The following TRIM58 variants were observed in gnomAD, a reference collection of about 807,000 sequenced individuals.
TRIM58 encodes E3 ubiquitin-protein ligase TRIM58.
A neutral mutation model predicts 34.1 loss-of-function variants in TRIM58; 38 were observed. The ratio of observed to expected loss-of-function variants is 1.12; its 90% CI spans 0.86 to 1.46. The LOEUF (loss-of-function observed/expected upper bound fraction) is 1.46, where lower values mean the gene tolerates loss of function less well. TRIM58 is among the 40% of genes most tolerant of loss of function. TRIM58 has a pLI of 0.00. For synonymous variants in TRIM58, 273 were observed against 275.7 expected (o/e 0.99, Z 0.10); for missense variants, 677 against 642.0 (o/e 1.05, Z -0.59).
Position 247,878,265 on chromosome 1 carries a change from A to T in TRIM58, c.*1776A>T, listed in dbSNP as rs1429248775. 3 of 152,190 alleles carry T rather than the reference A, an allele frequency of 2.0e-5. No individual in the cohort carries two copies. Among genetic ancestry groups the T allele is most frequent in the African/African-American group, 4.8e-5 (2 of 41,454 alleles). 9.4% of individuals were successfully genotyped at this position (152,190 alleles called of 1,614,324 possible). On this transcript the variant is annotated 3_prime_UTR_variant, in exon 6 of 6. Coordinates refer to ENST00000366481, the MANE Select transcript of TRIM58 (RefSeq NM_015431.4). ...AATGCTTCAATGCTAACCAAATATT[A>T]ATTAATGGCAAATTATTTAACATTA...
intron 2 of TRIM58, among the ~76,000 whole-genome samples, chr1:247,862,095 T>C (rs1199805631): frequency 6.6e-6 from 1 of 152,066 alleles, no homozygotes; most frequent in Non-Finnish European, 1.5e-5. Flanking sequence ...GCCATTGCAC[T>C]CCAGCCTGGG....
chr1:247,865,900 T>G (rs995358230), intron 3 of TRIM58, among the ~76,000 whole-genome samples: 1 of 152,188 alleles, frequency 6.6e-6, no homozygotes, highest in East Asian at 1.9e-4. Flanking sequence ...CTGACTCAGT[T>G]CTAGGCACTG....
In TRIM58 at chr1:247,858,931, T is replaced by A. The variant is rs577464478; in HGVS notation, c.420+1265T>A. ...ACAGGTATGCGTCACCACACCCGGC[T>A]AATTTTTGTATTTTTAGTAGAGACG... is the stretch of plus-strand genomic sequence containing the variant. On this transcript the variant is annotated intron_variant, in intron 1 of 5. Coordinates refer to ENST00000366481, the MANE Select transcript of TRIM58 (RefSeq NM_015431.4). Among the ~76,000 whole-genome samples, 15 of 151,916 alleles carry A rather than the reference T, an allele frequency of 9.9e-5. No individual in the cohort carries two copies. The South Asian group carries it at 2.7e-3, about 27-fold the overall frequency.
In TRIM58 at chr1:247,868,393, G is replaced by T. The variant is rs190033941; in HGVS notation, c.871+330G>T. The stretch of plus-strand genomic sequence containing the variant: ...AAAAGGGCAGGGTTATTGAAGAGAT[G>T]GGGGAAGAAGTTCTCTTCCAGAGTC... On this transcript the variant is annotated intron_variant, in intron 5 of 5. Transcript: ENST00000366481. 3.3e-5 allele frequency among the ~76,000 whole-genome samples: 5 copies of T among 152,252 alleles called. No individual in the cohort carries two copies. In the East Asian group the frequency reaches 9.6e-4, roughly 29 times the overall value.
At chr1:247,869,827 C>G (rs943322939) in intron 5 of TRIM58, among the ~76,000 whole-genome samples, 2 of 152,184 alleles carry the variant, frequency 1.3e-5, no homozygotes, top group Admixed American at 1.3e-4. Context: ...TAGAAAAAGT[C>G]TAACATTCAT....
rs546654630 is a variant in TRIM58 at position 247,872,942 on chromosome 1, A to C, written c.872-2958A>C. Reference sequence around the variant, plus strand: ...GATACAGAAAAATCATTGAAGATGAACTCTGGGCCGGGCGCGGTGGCTCAC... The same window carrying C: ...GATACAGAAAAATCATTGAAGATGACCTCTGGGCCGGGCGCGGTGGCTCAC... On this transcript the variant is annotated intron_variant, in intron 5 of 5. Coordinates refer to ENST00000366481, the MANE Select transcript of TRIM58 (RefSeq NM_015431.4). Among the ~76,000 whole-genome samples, 5 of 152,282 alleles carry C rather than the reference A, an allele frequency of 3.3e-5. No homozygotes were observed. The East Asian group carries it at 9.6e-4, about 29-fold the overall frequency.
rs1013552264 is a variant in TRIM58 at position 247,875,772 on chromosome 1, T to G, written c.872-128T>G. The G allele has an allele frequency of 1.7e-5, 12 of 702,500 alleles. No homozygotes were observed. In the South Asian group the frequency reaches 2.4e-4, roughly 14 times the overall value. 43.5% of individuals were successfully genotyped at this position (702,500 alleles called of 1,614,324 possible). A position where few individuals can be genotyped will look rare whatever the true frequency, so the allele number is the denominator to read the frequency against. On this transcript the variant is annotated intron_variant, in intron 5 of 5. Coordinates refer to ENST00000366481, the MANE Select transcript of TRIM58 (RefSeq NM_015431.4). ...TTTCACCTGTAAGGTGAAATACTGATTTGTTTTCTCTAGGAGTTAATAGAG... is the reference window on the plus strand; with the variant it reads ...TTTCACCTGTAAGGTGAAATACTGAGTTGTTTTCTCTAGGAGTTAATAGAG...
Position 247,879,121 on chromosome 1 carries a change from C to G in TRIM58, c.*2632C>G, listed in dbSNP as rs75119406. On this transcript the variant is annotated 3_prime_UTR_variant, in exon 6 of 6. Transcript: ENST00000366481. ...TGAACTCAATTTGCCTAAAACTTAC[C>G]CACAAATTTCTCCCCAAGTCTCTCC... Among the ~76,000 whole-genome samples the G allele has an allele frequency of 6.0e-4, 91 of 152,192 alleles. No individual in the cohort carries two copies. The highest frequency in any genetic ancestry group is 9.1e-4 in the Non-Finnish European group (62 of 68,004).
chr1:247,862,441 A>G (rs1347996384), intron 2 of TRIM58, among the ~76,000 whole-genome samples: 2 of 152,202 alleles, frequency 1.3e-5, no homozygotes, highest in African/African-American at 2.4e-5. Context: ...GGGTAGTGGC[A>G]ATGGAGATAA....
At chr1:247,872,690 A>G (rs1659167975) in intron 5 of TRIM58, among the ~76,000 whole-genome samples, 2 of 152,214 alleles carry the variant, frequency 1.3e-5, no homozygotes, top group Admixed American at 6.5e-5. Flanking sequence ...ATGGAATTTT[A>G]TCAAAGCAAT....
chr1:247,864,973 C>A, intron 3 of TRIM58, 38 bp downstream of exon 3: 2 of 1,519,048 alleles, frequency 1.3e-6, no homozygotes, highest in Non-Finnish European at 1.8e-6. Flanking sequence ...AGATGTGAGA[C>A]TCAGGTGACA....
rs1297312562 is a variant in TRIM58, at chr1:247,857,624, G to A, written c.378G>A (p.Thr126=). 1.6e-6 allele frequency: 2 copies of A among 1,245,536 alleles called. No individual in the cohort carries two copies. The highest frequency in any genetic ancestry group is 1.0e-6 in the Non-Finnish European group (1 of 996,148). 77.2% of individuals were successfully genotyped at this position (1,245,536 alleles called of 1,614,324 possible). A position where few individuals can be genotyped will look rare whatever the true frequency, so the allele number is the denominator to read the frequency against. ...GCGACGCCGGCCCCGAGCACAGGACGCACCGCACGGCGCCGCTGCAGGAGG... is the reference window on the plus strand; with the variant it reads ...GCGACGCCGGCCCCGAGCACAGGACACACCGCACGGCGCCGCTGCAGGAGG... ...WVCDAGPEHR[T]HRTAPLQEAA... Residue 126 remains threonine (T), a synonymous_variant, in exon 1 of 6, where the codon ACG becomes ACA. Transcript: ENST00000366481.
intron 2 of TRIM58, among the ~76,000 whole-genome samples, chr1:247,861,708 C>T (rs1663796754): frequency 6.6e-6 from 1 of 152,062 alleles, no homozygotes. Context: ...GTCTTATACT[C>T]TGTCTTTATA....
chr1:247,868,818 G>T (rs1176463198), intron 5 of TRIM58, among the ~76,000 whole-genome samples: 3 of 152,306 alleles, frequency 2.0e-5, no homozygotes, highest in African/African-American at 7.2e-5. Context: ...GTGAGAAGGG[G>T]TACGGAGCTT....
At chr1:247,874,962 C>G (rs1030020237) in intron 5 of TRIM58, among the ~76,000 whole-genome samples, 3 of 152,170 alleles carry the variant, frequency 2.0e-5, no homozygotes, top group Non-Finnish European at 4.4e-5. Context: ...CTATTCTCAG[C>G]TCTGGAGATC....
At chr1:247,864,031 G>T (rs1471184205) in intron 2 of TRIM58, among the ~76,000 whole-genome samples, 1 of 152,050 alleles carries the variant, frequency 6.6e-6, no homozygotes, top group Non-Finnish European at 1.5e-5. Flanking sequence ...TGTTTCTAGT[G>T]GTTCTAGCGA....
At chr1:247,869,852 G>A (rs935887710) in intron 5 of TRIM58, among the ~76,000 whole-genome samples, 19 of 152,290 alleles carry the variant, frequency 1.2e-4, no homozygotes, top group African/African-American at 3.6e-4. Context: ...CAGTGGAATC[G>A]CAGGAGAGTA....
At chr1:247,872,996 C>T (rs1037241312) in intron 5 of TRIM58, among the ~76,000 whole-genome samples, 12 of 152,080 alleles carry the variant, frequency 7.9e-5, no homozygotes, top group African/African-American at 2.7e-4. Context: ...TTTGGGAGGC[C>T]GAGGCGGGCA....
chr1:247,858,692 A>G (rs1663697559), intron 1 of TRIM58, among the ~76,000 whole-genome samples: 1 of 151,522 alleles, frequency 6.6e-6, no homozygotes, highest in Non-Finnish European at 1.5e-5. Flanking sequence ...ATTTCTAGCT[A>G]AACTTTTCTG....
Sources: gnomAD v4.1 joint callset for allele counts (sites outside exome capture counted in the v4.1 genomes callset) on GRCh38, gnomAD v4.1.1 for gene constraint, MANE v1.5 for transcripts, NCBI Gene and HGNC (gene_info 2026-07-23, HGNC 2026-07-21) for gene names.